OLFML2A: variants seen among roughly 807,000 people sequenced by gnomAD.
The protein encoded by OLFML2A is olfactomedin-like protein 2A.
In OLFML2A, 47 loss-of-function variants were observed where a neutral mutation model predicts 60.9. That is an observed-to-expected ratio of 0.77 (90% confidence interval 0.61 to 0.98). OLFML2A has a LOEUF of 0.98. OLFML2A is among the 50% of genes least tolerant of loss of function. The probability of loss-of-function intolerance (pLI) is 0.00; values close to 1 mark genes in which losing one functional copy is unlikely to be tolerated. For missense variants in OLFML2A, 922 were observed against 879.8 expected, an observed-to-expected ratio of 1.05 and a Z score of -0.61; for synonymous variants, 372 against 375.0, an observed-to-expected ratio of 0.99 and a Z score of 0.09.
At position 124,795,086 on chromosome 9, in the gene OLFML2A, C is replaced by T. The variant is rs202194837; in HGVS notation, c.417C>T (p.His139=). The T allele has an allele frequency of 5.2e-5, 84 of 1,608,486 alleles. No homozygotes were observed. In the East Asian group the frequency reaches 6.9e-4, roughly 13 times the overall value. The part of the protein sequence containing the change: ...TLYSMDLMKV[H]AYVHKVASQM... Reference sequence around the variant, plus strand: ...ACAGCATGGACTTGATGAAGGTGCACGCCTACGTCCACAAGGTGGCCTCCC... The same window carrying T: ...ACAGCATGGACTTGATGAAGGTGCATGCCTACGTCCACAAGGTGGCCTCCC... Residue 139 remains histidine, a synonymous_variant, in exon 3 of 8, where the codon CAC becomes CAT. Transcript: ENST00000373580.
chr9:124,794,099 G>C (rs1841619530), intron 2 of OLFML2A, among the ~76,000 whole-genome samples: 1 of 152,186 alleles, frequency 6.6e-6, no homozygotes, highest in African/African-American at 2.4e-5. Context: ...GACGCAGGGT[G>C]GGGAGAAGAG....
intron 2 of OLFML2A, among the ~76,000 whole-genome samples, chr9:124,792,872 A>G (rs1218815783): frequency 3.3e-5 from 5 of 152,054 alleles, no homozygotes; most frequent in Non-Finnish European, 7.4e-5. Context: ...AGAAATGTCT[A>G]TGCGCATGAT....
rs1490048145 is a variant in OLFML2A, at chr9:124,804,143, G to A, written c.969G>A (p.Val323=). ...TSWLEQLPPK[V]EGRSNSAEPN... The stretch of plus-strand genomic sequence containing the variant: ...GGCTGGAGCAACTGCCGCCCAAGGT[G>A]GAGGGCAGGTCCAACTCCGCAGAGC... Residue 323 remains valine (V), a synonymous_variant, in exon 6 of 8, where the codon GTG becomes GTA. Coordinates refer to ENST00000373580, the MANE Select transcript of OLFML2A (RefSeq NM_182487.4). The A allele has an allele frequency of 1.2e-6, 2 of 1,614,064 alleles. No homozygotes were observed. The highest frequency in any genetic ancestry group is 1.7e-5 in the Admixed American group (1 of 60,022).
Position 124,801,281 on chromosome 9 carries a change from G to C in OLFML2A, c.670-133G>C, listed in dbSNP as rs565263813. ...CCATGGTGGGGTAAAGGAAAGCTGT[G>C]ACTTTGTGAGTGCTTGGGACATAGG... On this transcript the variant is annotated intron_variant, in intron 4 of 7. Transcript: ENST00000373580. The C allele has an allele frequency of 5.1e-4, 519 of 1,020,278 alleles. 3 individuals carry two copies. In the Admixed American group the frequency reaches 7.0e-3, roughly 14 times the overall value. 63.2% of individuals were successfully genotyped at this position (1,020,278 alleles called of 1,614,324 possible). A position where few individuals can be genotyped will look rare whatever the true frequency, so the allele number is the denominator to read the frequency against.
In OLFML2A at chr9:124,801,515, T is replaced by G; in HGVS notation, c.771T>G (p.Leu257=). 6.2e-7 allele frequency: 1 copy of G among 1,614,108 alleles called. No individual in the cohort carries two copies. Among genetic ancestry groups the G allele is most frequent in the Non-Finnish European group, 8.5e-7 (1 of 1,180,022 alleles). ...CAAAACCTCCCAAGGAGAAGCTGCT[T>G]CAGGTGGAGAAGCTGAGAAAGGAGA... The part of the protein sequence containing the change: ...GLPKPPKEKL[L]QVEKLRKESG... Residue 257 remains leucine, a synonymous_variant, in exon 5 of 8, where the codon CTT becomes CTG. Coordinates refer to ENST00000373580, the MANE Select transcript of OLFML2A (RefSeq NM_182487.4).
At chr9:124,797,947 G>A (rs1374073208) in intron 3 of OLFML2A, among the ~76,000 whole-genome samples, 13 of 152,182 alleles carry the variant, frequency 8.5e-5, no homozygotes, top group Non-Finnish European at 7.3e-5. Flanking sequence ...AGGAGCCAGA[G>A]CCCCAGCAAG....
rs1467617032 is a variant in OLFML2A, at chr9:124,810,254, G to C, written c.1801G>C (p.Ala601Pro). Reference protein sequence around the residue: ...YNQQEGQVAYAFDTHTGTDAR... With the variant: ...YNQQEGQVAYPFDTHTGTDAR... Reference sequence around the variant, plus strand: ...CCAGCAGGAAGGCCAGGTCGCCTACGCTTTCGACACGCACACGGGCACCGA... The same window carrying C: ...CCAGCAGGAAGGCCAGGTCGCCTACCCTTTCGACACGCACACGGGCACCGA... Residue 601 changes from alanine (A) to proline (P), a missense_variant, in exon 8 of 8, where the codon GCT (alanine) becomes CCT (proline). Coordinates refer to ENST00000373580, the MANE Select transcript of OLFML2A (RefSeq NM_182487.4). 3 of 1,612,412 alleles carry C rather than the reference G, an allele frequency of 1.9e-6. No individual in the cohort carries two copies. Among genetic ancestry groups the C allele is most frequent in the Non-Finnish European group, 2.5e-6 (3 of 1,180,026 alleles).
In OLFML2A at chr9:124,804,214, G is replaced by T. The variant is rs201942102; in HGVS notation, c.1040G>T (p.Arg347Leu). ...GAGGCTGAGCCCAGGTCCTCCGAGC[G>T]AGTGGACCTGGCTTCTGGCACCCCC... ...QDEAEPRSSE[R>L]VDLASGTPTS... The change falls in exon 6 of 8, where the codon CGA becomes CTA. Residue 347 changes from arginine to leucine, a missense_variant. Transcript: ENST00000373580. 16 of 1,613,872 alleles carry T rather than the reference G, an allele frequency of 9.9e-6. No individual in the cohort carries two copies. Among genetic ancestry groups the T allele is most frequent in the Admixed American group, 1.7e-5 (1 of 59,998 alleles).
At chr9:124,802,275 G>A (rs1350833789) in intron 5 of OLFML2A, among the ~76,000 whole-genome samples, 1 of 152,156 alleles carries the variant, frequency 6.6e-6, no homozygotes, top group African/African-American at 2.4e-5. Flanking sequence ...CCATCTCTAC[G>A]GGTTGTGGTT....
chr9:124,801,697 C>A, intron 5 of OLFML2A, 34 bp downstream of exon 5: 1 of 1,601,936 alleles, frequency 6.2e-7, no homozygotes. Context: ...CCTGGGGAGT[C>A]AGGGATGGAT....
chr9:124,809,377 C>T (rs1442572137), intron 7 of OLFML2A, among the ~76,000 whole-genome samples: 2 of 152,036 alleles, frequency 1.3e-5, no homozygotes, highest in East Asian at 3.9e-4. Context: ...AGGCCCCTCA[C>T]TCAGGCTAGG....
intron 2 of OLFML2A, among the ~76,000 whole-genome samples, chr9:124,793,768 C>G (rs1841611361): frequency 6.6e-6 from 1 of 152,158 alleles, no homozygotes; most frequent in African/African-American, 2.4e-5. Flanking sequence ...GCTCATCCCT[C>G]TAATCCCAGT....
In OLFML2A at chr9:124,810,141, A is replaced by C; in HGVS notation, c.1688A>C (p.Glu563Ala). The change falls in exon 8 of 8, where the codon GAG (glutamate) becomes GCG (alanine). Residue 563 changes from glutamate (E) to alanine (A), a missense_variant. By Grantham distance (107) the Glu-to-Ala change is moderately radical. Transcript: ENST00000373580. ...CCCGGCGATCTCTCCGTGCACCGGG[A>C]GACCACGTGGAAGACACGGCTGCGG... ...LDPGDLSVHR[E>A]TTWKTRLRRN... is the part of the protein sequence containing the mutation. 2.5e-6 allele frequency: 4 copies of C among 1,613,842 alleles called. No individual in the cohort carries two copies. Among genetic ancestry groups the C allele is most frequent in the Non-Finnish European group, 3.4e-6 (4 of 1,179,980 alleles).
chr9:124,809,290 G>GATGA (rs1377093923), intron 7 of OLFML2A, among the ~76,000 whole-genome samples: 1 of 152,222 alleles, frequency 6.6e-6, no homozygotes, highest in Non-Finnish European at 1.5e-5. Flanking sequence ...TAAGTATCAA[G>GATGA]ATGAAGGCTT....
chr9:124,809,477 T>G lies in OLFML2A; in HGVS notation c.1355-331T>G, dbSNP rs563537187. Among the ~76,000 whole-genome samples, 101 of 152,098 alleles carry G rather than the reference T, an allele frequency of 6.6e-4. 1 individual carries two copies. The highest frequency in any genetic ancestry group is 1.6e-3 in the African/African-American group (66 of 41,476). Reference sequence around the variant, plus strand: ...TTCCCCAAGCAGATGGCCTGGGGAATGGCAGTCCTAACAGAGGAACAGCAG... The same window carrying G: ...TTCCCCAAGCAGATGGCCTGGGGAAGGGCAGTCCTAACAGAGGAACAGCAG... On this transcript the variant is annotated intron_variant, in intron 7 of 7. Coordinates refer to ENST00000373580, the MANE Select transcript of OLFML2A (RefSeq NM_182487.4).
In OLFML2A at chr9:124,777,468, C is replaced by A; in HGVS notation, c.90+108C>A. On this transcript the variant is annotated intron_variant, in intron 1 of 7. Transcript: ENST00000373580. The surrounding 1 kb of genome is among the most constrained non-coding windows in gnomAD (Gnocchi z 6.2). ...GAGCCCGGGGCCAGGGCGGAGGAGCCGGGAGCTGAGAGACCGAACCTGGGA... is the reference window on the plus strand; with the variant it reads ...GAGCCCGGGGCCAGGGCGGAGGAGCAGGGAGCTGAGAGACCGAACCTGGGA... 1 of 1,132,038 alleles carries A rather than the reference C, an allele frequency of 8.8e-7. No individual in the cohort carries two copies. Among genetic ancestry groups the A allele is most frequent in the Non-Finnish European group, 1.1e-6 (1 of 904,458 alleles). The allele number at this position is 1,132,038 out of a possible 1,614,324, so 70.1% of individuals were successfully genotyped here. A position where few individuals can be genotyped will look rare whatever the true frequency, so the allele number is the denominator to read the frequency against.
Position 124,777,335 on chromosome 9 carries a change from G to A in OLFML2A, c.65G>A (p.Gly22Asp). 7.7e-7 allele frequency: 1 copy of A among 1,291,516 alleles called. No individual in the cohort carries two copies. The highest frequency in any genetic ancestry group is 1.5e-5 in the African/African-American group (1 of 65,240). The allele number at this position is 1,291,516 out of a possible 1,614,324, so 80.0% of individuals were successfully genotyped here. The change falls in exon 1 of 8, where the codon GGC (glycine) becomes GAC (aspartate). Residue 22 changes from glycine to aspartate, a missense_variant. By Grantham distance (94) the Gly-to-Asp change is moderately conservative. Coordinates refer to ENST00000373580, the MANE Select transcript of OLFML2A (RefSeq NM_182487.4). This position sits in a 1 kb window ranked among gnomAD's most constrained non-coding sequence, Gnocchi z 6.2. Reference sequence around the variant, plus strand: ...CTGCCGCTAGTGCTGCTGCTGAGCGGCCGCCCCACGCGCGCCGACAGTAAG... The same window carrying A: ...CTGCCGCTAGTGCTGCTGCTGAGCGACCGCCCCACGCGCGCCGACAGTAAG... ...LLLPLVLLLS[G>D]RPTRADSKVF...
At chr9:124,784,943 G>GTTTTATTTTTTTTTTT (rs1841429741) in intron 1 of OLFML2A, among the ~76,000 whole-genome samples, 2 of 69,542 alleles carry the variant, frequency 2.9e-5, no homozygotes, top group African/African-American at 6.5e-5. Flanking sequence ...CCTTTTACTT[G>GTTTTATTTTTTTTTTT]TTTTTTTTTT....
At chr9:124,780,486 G>C (rs1289295792) in intron 1 of OLFML2A, among the ~76,000 whole-genome samples, 1 of 152,228 alleles carries the variant, frequency 6.6e-6, no homozygotes, top group Non-Finnish European at 1.5e-5. Flanking sequence ...TCCGGGGCTG[G>C]ATCAGATGTT....
Sources: gnomAD v4.1 joint callset for allele counts (sites outside exome capture counted in the v4.1 genomes callset) on GRCh38, gnomAD v4.1.1 for gene constraint, Gnocchi (gnomAD v3.1) non-coding constraint, MANE v1.5 for transcripts, NCBI Gene and HGNC (gene_info 2026-07-23, HGNC 2026-07-21) for gene names.